ITPR1: variants seen among roughly 807,000 people sequenced by gnomAD.
ITPR1 encodes inositol 1,4,5-trisphosphate-gated calcium channel ITPR1.
In ITPR1, 96 loss-of-function variants were observed where a neutral mutation model predicts 318.4. That is an observed-to-expected ratio of 0.30 (90% CI 0.26 to 0.36). The LOEUF is 0.36. Among genes scored for constraint, ITPR1 ranks in the 10% least tolerant of loss-of-function variants. ITPR1 has a pLI of 1.00. For synonymous variants in ITPR1, 1,312 were observed against 1,289.9 expected (o/e 1.02, Z -0.37); for missense variants, 2,440 against 3,460.2 (o/e 0.71, Z 7.40).
chr3:4,797,646 C>G (rs1278157036), intron 53 of ITPR1, among the ~76,000 whole-genome samples: 3 of 152,192 alleles, frequency 2.0e-5, no homozygotes, highest in African/African-American at 7.2e-5. Context: ...ATGGCTAAAG[C>G]AAATGTAGTA....
intron 52 of ITPR1, among the ~76,000 whole-genome samples, chr3:4,790,294 C>T (rs1338862768): frequency 2.0e-5 from 3 of 152,166 alleles, no homozygotes; most frequent in Non-Finnish European, 2.9e-5. Flanking sequence ...GCTCCCAGAC[C>T]CTCACCTGTG....
chr3:4,763,001 A>T (rs2045559858), intron 44 of ITPR1, among the ~76,000 whole-genome samples: 1 of 152,226 alleles, frequency 6.6e-6, no homozygotes, highest in South Asian at 2.1e-4. Flanking sequence ...CAGCCATAAA[A>T]TGTGGAATAC....
At chr3:4,775,095 G>T (rs1416881966) in intron 46 of ITPR1, 147 bp from the exon 47 acceptor site, 1 of 681,670 alleles carries the variant, frequency 1.5e-6, no homozygotes, top group East Asian at 2.5e-5. Flanking sequence ...TGGTGGTGGG[G>T]GGCATACTGA....
At chr3:4,699,016 T>A (rs1442262595) in intron 34 of ITPR1, among the ~76,000 whole-genome samples, 1 of 152,058 alleles carries the variant, frequency 6.6e-6, no homozygotes, top group Non-Finnish European at 1.5e-5. Flanking sequence ...ATGTTGTGTA[T>A]TGGTCAGATT....
chr3:4,512,100 A>G (rs1336737638), intron 2 of ITPR1, among the ~76,000 whole-genome samples: 1 of 152,080 alleles, frequency 6.6e-6, no homozygotes, highest in African/African-American at 2.4e-5. Flanking sequence ...TGATCCTCCC[A>G]AGTAGCTGGG....
chr3:4,638,278 A>G (rs991832171), intron 5 of ITPR1, among the ~76,000 whole-genome samples: 1 of 152,216 alleles, frequency 6.6e-6, no homozygotes, highest in Non-Finnish European at 1.5e-5. Context: ...ATCAGATTCA[A>G]TACTGAATTT....
intron 61 of ITPR1, among the ~76,000 whole-genome samples, chr3:4,840,313 A>C (rs2051249941): frequency 6.6e-6 from 1 of 152,104 alleles, no homozygotes; most frequent in Non-Finnish European, 1.5e-5. Context: ...TTGTGGGAAA[A>C]AATTTTGAAT....
At chr3:4,550,474 G>T (rs1323568218) in intron 4 of ITPR1, among the ~76,000 whole-genome samples, 1 of 152,162 alleles carries the variant, frequency 6.6e-6, no homozygotes, top group African/African-American at 2.4e-5. Context: ...GCAGACTATT[G>T]TTATCCTCAT....
At chr3:4,613,695 C>CT (rs2092265875) in intron 4 of ITPR1, among the ~76,000 whole-genome samples, 2 of 152,120 alleles carry the variant, frequency 1.3e-5, no homozygotes, top group South Asian at 2.1e-4. Flanking sequence ...ACATTGTTAT[C>CT]TTTTTACATG....
rs368761617 is a variant in ITPR1, at chr3:4,719,015, G to A, written c.5136+1616G>A. ...GAAAGGAAAACCTTCCCTAATCAGA[G>A]TCTGTGGTGTTATTAATACACTGTT... On this transcript the variant is annotated intron_variant, in intron 40 of 61. Transcript: ENST00000649015. Among the ~76,000 whole-genome samples, 28 of 152,302 alleles carry A rather than the reference G, an allele frequency of 1.8e-4. No individual in the cohort carries two copies. The East Asian group carries it at 5.4e-3, about 29-fold the overall frequency.
At chr3:4,835,220 A>G (rs894302315) in intron 60 of ITPR1, among the ~76,000 whole-genome samples, 10 of 150,552 alleles carry the variant, frequency 6.6e-5, no homozygotes, top group South Asian at 2.1e-4. Context: ...TAGGGCTTCT[A>G]TATTGCTAGA....
At chr3:4,801,958 G>C (rs2048262255) in intron 54 of ITPR1, among the ~76,000 whole-genome samples, 1 of 152,158 alleles carries the variant, frequency 6.6e-6, no homozygotes, top group Non-Finnish European at 1.5e-5. Flanking sequence ...TGGTTCAGTA[G>C]TGATCAGTAG....
Position 4,735,148 on chromosome 3 carries a change from T to C in ITPR1, c.5354-16T>C, listed in dbSNP as rs751481923. 8.7e-6 allele frequency: 14 copies of C among 1,605,332 alleles called. No homozygotes were observed. Among genetic ancestry groups the C allele is most frequent in the Non-Finnish European group, 1.1e-5 (13 of 1,172,848 alleles). On this transcript the variant is annotated splice_polypyrimidine_tract_variant and intron_variant, in intron 43 of 61. Transcript: ENST00000649015. ...TTCTGATTGTGCTTAGTAAAAACAA[T>C]ATTCCATCTTCTTAGGGGGAGGTTC...
chr3:4,586,218 C>T (rs2089885647), intron 4 of ITPR1, among the ~76,000 whole-genome samples: 1 of 152,182 alleles, frequency 6.6e-6, no homozygotes, highest in East Asian at 1.9e-4. Flanking sequence ...AATAGTGCCG[C>T]AATAAACATA....
At chr3:4,618,215 A>T (rs1303367464) in intron 4 of ITPR1, among the ~76,000 whole-genome samples, 1 of 152,172 alleles carries the variant, frequency 6.6e-6, no homozygotes, top group Non-Finnish European at 1.5e-5. Flanking sequence ...ATATTATGTG[A>T]ATTTCACCAC....
chr3:4,635,652 G>A (rs2093167651), intron 5 of ITPR1, among the ~76,000 whole-genome samples: 1 of 151,952 alleles, frequency 6.6e-6, no homozygotes, highest in Non-Finnish European at 1.5e-5. Context: ...GCCAAAAGGT[G>A]CTAACTCAGT....
rs1056638967 is a variant in ITPR1, at chr3:4,826,794, G to A, written c.8028+8552G>A. On this transcript the variant is annotated intron_variant, in intron 60 of 61. Transcript: ENST00000649015. This position sits in a 1 kb window ranked among gnomAD's most constrained non-coding sequence, Gnocchi z 4.2. Reference sequence around the variant, plus strand: ...CACTGACCTCCCAGTGCTCTCCTCCGAATTTCCTACATTCTGACCTTCGTG... The same window carrying A: ...CACTGACCTCCCAGTGCTCTCCTCCAAATTTCCTACATTCTGACCTTCGTG... Among the ~76,000 whole-genome samples the A allele has an allele frequency of 1.3e-5, 2 of 152,138 alleles. No individual in the cohort carries two copies. The highest frequency in any genetic ancestry group is 2.9e-5 in the Non-Finnish European group (2 of 68,034).
Position 4,512,142 on chromosome 3 carries a change from T to A in ITPR1, c.-16-4334T>A, listed in dbSNP as rs569103975. On this transcript the variant is annotated intron_variant, in intron 2 of 61. Coordinates refer to ENST00000649015, the MANE Select transcript of ITPR1 (RefSeq NM_001378452.1). Reference sequence around the variant, plus strand: ...GATGTGTACCACCATGCCCTGATAATGTGTTTTTATTTTTATTTTTTGTAG... The same window carrying A: ...GATGTGTACCACCATGCCCTGATAAAGTGTTTTTATTTTTATTTTTTGTAG... Among the ~76,000 whole-genome samples the A allele has an allele frequency of 4.6e-5, 7 of 152,148 alleles. No homozygotes were observed. In the East Asian group the frequency reaches 1.2e-3, roughly 25 times the overall value.
intron 2 of ITPR1, among the ~76,000 whole-genome samples, chr3:4,504,794 G>A (rs1437698673): frequency 1.3e-5 from 2 of 152,146 alleles, no homozygotes; most frequent in Non-Finnish European, 1.5e-5. Flanking sequence ...AAAGTCAACC[G>A]TAAATGCGTT....
Sources: gnomAD v4.1 joint callset for allele counts (sites outside exome capture counted in the v4.1 genomes callset) on GRCh38, gnomAD v4.1.1 for gene constraint, Gnocchi (gnomAD v3.1) non-coding constraint, MANE v1.5 for transcripts, NCBI Gene and HGNC (gene_info 2026-07-23, HGNC 2026-07-21) for gene names.